The following NEK3 variants were observed in gnomAD, a reference collection of about 807,000 sequenced individuals.
NEK3 encodes the protein NIMA related kinase 3, also known as serine/threonine-protein kinase Nek3.
Under a neutral mutation model 66.0 loss-of-function variants are expected in NEK3, and 54 were observed. That is an observed-to-expected ratio of 0.82 (90% CI 0.66 to 1.03). The LOEUF is 1.03. Ranked by LOEUF, NEK3 falls within the 50% of genes least tolerant of loss-of-function variation. NEK3 has a pLI of 0.00. For synonymous variants in NEK3, 200 were observed against 206.2 expected, an observed-to-expected ratio of 0.97 and a Z score of 0.26; for missense variants, 593 against 603.0, an observed-to-expected ratio of 0.98 and a Z score of 0.17.
intron 14 of NEK3, among the ~76,000 whole-genome samples, 160 bp downstream of exon 14, chr13:52,135,569 T>C (rs1222848412): frequency 1.3e-5 from 2 of 152,168 alleles, no homozygotes; most frequent in Admixed American, 1.3e-4. Flanking sequence ...AACATTTCTG[T>C]GGATGGAAAC....
At chr13:52,135,986 AC>A in intron 13 of NEK3, 123 bp from the exon 14 acceptor site, 1 of 1,489,898 alleles carries the variant, frequency 6.7e-7, no homozygotes, top group Admixed American at 1.9e-5. Context: ...TGCTTCATTC[AC>A]CTGTATGAGC....
Position 52,152,604 on chromosome 13 carries a change from C to T in NEK3, c.393+5G>A, listed in dbSNP as rs1390182263. 2 of 1,581,300 alleles carry T rather than the reference C, an allele frequency of 1.3e-6. No homozygotes were observed. The highest frequency in any genetic ancestry group is 1.2e-5 in the South Asian group (1 of 86,450). On this transcript the variant is annotated splice_donor_5th_base_variant and intron_variant, in intron 5 of 15. Coordinates refer to ENST00000610828, the MANE Select transcript of NEK3 (RefSeq NM_002498.3). ...TTTTTAAGTCCAAAAATGTACTCCA[C>T]TCACCTTGGACTTGATATCTCTGTG... is the stretch of plus-strand genomic sequence containing the variant.
chr13:52,156,184 T>A lies in NEK3; in HGVS notation c.8A>T (p.Asp3Val). ...CCCAATCATTCTCAGGACCATGTAG[T>A]CATCCATGCTGGGGCATCCACACAG... MD[D>V]YMVLRMIGEG... Residue 3 changes from aspartate to valine, a missense_variant, in exon 2 of 16, where the codon GAC (aspartate) becomes GTC (valine). Transcript: ENST00000610828. 1 of 1,590,648 alleles carries A rather than the reference T, an allele frequency of 6.3e-7. No homozygotes were observed.
intron 4 of NEK3, among the ~76,000 whole-genome samples, 190 bp from the exon 5 acceptor site, chr13:52,152,882 C>A (rs1329899102): frequency 6.6e-6 from 1 of 152,146 alleles, no homozygotes. Flanking sequence ...AGCTGTGACT[C>A]CCATATTCCA....
Position 52,137,442 on chromosome 13 carries a change from T to C in NEK3, c.928-540A>G, listed in dbSNP as rs148268837. Among the ~76,000 whole-genome samples, 10 of 152,346 alleles carry C rather than the reference T, an allele frequency of 6.6e-5. No homozygotes were observed. The East Asian group carries it at 1.9e-3, about 29-fold the overall frequency. On this transcript the variant is annotated intron_variant, in intron 11 of 15. Coordinates refer to ENST00000610828, the MANE Select transcript of NEK3 (RefSeq NM_002498.3). ...TGCATATACTTTGAGAAGAAGTACA[T>C]ATTGAATGCCTAAACAGTCCCAGGC... is the stretch of plus-strand genomic sequence containing the variant.
intron 12 of NEK3, among the ~76,000 whole-genome samples, 169 bp from the exon 13 acceptor site, chr13:52,136,428 A>T (rs1045016982): frequency 4.6e-5 from 7 of 152,188 alleles, no homozygotes; most frequent in Non-Finnish European, 1.0e-4. Flanking sequence ...GGAAATTTAA[A>T]AAAAAATCCA....
chr13:52,139,001 A>AG (rs1035259323), intron 11 of NEK3, among the ~76,000 whole-genome samples: 34 of 152,288 alleles, frequency 2.2e-4, no homozygotes, highest in Admixed American at 1.2e-3. Flanking sequence ...CAATTTGCTA[A>AG]GGGGGGTGTG....
intron 11 of NEK3, among the ~76,000 whole-genome samples, chr13:52,139,996 G>T (rs1956234398): frequency 7.0e-6 from 1 of 142,020 alleles, no homozygotes; most frequent in Non-Finnish European, 1.5e-5. Flanking sequence ...GAACACAGGG[G>T]TTTGAGACCA....
intron 4 of NEK3, among the ~76,000 whole-genome samples, chr13:52,153,673 T>C (rs1311493115): frequency 6.6e-6 from 1 of 152,228 alleles, no homozygotes; most frequent in Non-Finnish European, 1.5e-5. Flanking sequence ...ATGAAAGTTT[T>C]ATTTCATAAT....
chr13:52,139,402 A>G (rs1956229745), intron 11 of NEK3, among the ~76,000 whole-genome samples: 1 of 152,170 alleles, frequency 6.6e-6, no homozygotes, highest in Non-Finnish European at 1.5e-5. Context: ...TTGAGATTAG[A>G]GGCTGCCAGG....
chr13:52,133,812 G>T lies in NEK3; in HGVS notation c.1313C>A (p.Ser438Ter). 1.3e-6 allele frequency: 2 copies of T among 1,597,296 alleles called. No homozygotes were observed. Among genetic ancestry groups the T allele is most frequent in the East Asian group, 2.2e-5 (1 of 44,554 alleles). The change falls in exon 15 of 16, where the codon TCA becomes TAA. Residue 438 changes from serine to a stop codon, truncating the protein, a stop_gained. Coordinates refer to ENST00000610828, the MANE Select transcript of NEK3 (RefSeq NM_002498.3). LOFTEE classifies it high-confidence loss of function. ...CAGGGGGCCTTTCAAGAACCCTTCT[G>T]AACCTTCAGGAGATATTAACAGAAA... ...FQTYTIYRPG[S>*]EGFLKGPLSE...
chr13:52,159,254 G>A (rs953136154), intron 1 of NEK3: 6 of 151,974 alleles, frequency 3.9e-5, no homozygotes, highest in African/African-American at 1.2e-4. Context: ...CGGCGCCCGC[G>A]GGGCAACTGC....
chr13:52,136,558 G>A (rs1025413038), intron 12 of NEK3, among the ~76,000 whole-genome samples: 1 of 152,056 alleles, frequency 6.6e-6, no homozygotes, highest in Admixed American at 6.6e-5. Context: ...CACACAGTAT[G>A]CTATGCTTTT....
At chr13:52,153,106 A>G (rs1298631550) in intron 4 of NEK3, among the ~76,000 whole-genome samples, 1 of 152,168 alleles carries the variant, frequency 6.6e-6, no homozygotes, top group African/African-American at 2.4e-5. Context: ...AGATTTCATT[A>G]TATCATAAAT....
At chr13:52,143,386 C>T (rs1956267329) in intron 10 of NEK3, among the ~76,000 whole-genome samples, 2 of 151,956 alleles carry the variant, frequency 1.3e-5, no homozygotes, top group Admixed American at 6.6e-5. Context: ...TCCCATATAC[C>T]ACCTGTCCCC....
At chr13:52,135,277 C>A (rs1956193667) in intron 14 of NEK3, among the ~76,000 whole-genome samples, 1 of 152,024 alleles carries the variant, frequency 6.6e-6, no homozygotes, top group Admixed American at 6.6e-5. Context: ...TTCAGGTATA[C>A]AACAAAAGAA....
At chr13:52,133,862 C>G (rs202022025) in intron 14 of NEK3, 47 bp from the exon 15 acceptor site, 375 of 1,543,260 alleles carry the variant, frequency 2.4e-4, no homozygotes, top group Non-Finnish European at 2.3e-4. Context: ...ACAGTATTTA[C>G]TTATTTCATG....
rs1426983736 is a variant in NEK3, at chr13:52,133,886, A to G, written c.1310-71T>C. 5 of 1,467,448 alleles carry G rather than the reference A, an allele frequency of 3.4e-6. No homozygotes were observed. In the Admixed American group the frequency reaches 8.2e-5, roughly 24 times the overall value. The allele number at this position is 1,467,448 out of a possible 1,614,324, so 90.9% of individuals were successfully genotyped here. A position where few individuals can be genotyped will look rare whatever the true frequency, so the allele number is the denominator to read the frequency against. Reference sequence around the variant, plus strand: ...ACTTATTTCATGCAGTTTGATTAAAATCCTCCGTAAGCTTGCTGGCTGAGG... The same window carrying G: ...ACTTATTTCATGCAGTTTGATTAAAGTCCTCCGTAAGCTTGCTGGCTGAGG... On this transcript the variant is annotated intron_variant, in intron 14 of 15. Transcript: ENST00000610828.
intron 4 of NEK3, among the ~76,000 whole-genome samples, chr13:52,153,502 T>A (rs916267070): frequency 6.6e-6 from 1 of 152,082 alleles, no homozygotes; most frequent in Admixed American, 6.6e-5. Flanking sequence ...AGATTGAGAA[T>A]AGGTACTCCC....
Sources: gnomAD v4.1 joint callset for allele counts (sites outside exome capture counted in the v4.1 genomes callset) on GRCh38, gnomAD v4.1.1 for gene constraint, MANE v1.5 for transcripts, NCBI Gene and HGNC (gene_info 2026-07-23, HGNC 2026-07-21) for gene names.